Variants in COLEC10 observed in about 807,000 individuals in gnomAD.
COLEC10 encodes the protein collectin-10.
Under a neutral mutation model 28.4 loss-of-function variants are expected in COLEC10, and 22 were observed. The observed-to-expected ratio is 0.78, with a 90% CI of 0.55 to 1.11. The LOEUF (loss-of-function observed/expected upper bound fraction) is 1.11. COLEC10 is among the 50% of genes least tolerant of loss of function. The probability of loss-of-function intolerance (pLI) is 0.00; values close to 1 mark genes in which losing one functional copy is unlikely to be tolerated. For synonymous variants in COLEC10, 125 were observed against 116.1 expected (o/e 1.08, Z -0.49); for missense variants, 361 against 344.1 (o/e 1.05, Z -0.39).
intron 1 of COLEC10, among the ~76,000 whole-genome samples, chr8:119,086,806 T>G (rs1815489591): frequency 6.6e-6 from 1 of 152,204 alleles, no homozygotes; most frequent in African/African-American, 2.4e-5. Flanking sequence ...TCTTGCCTTT[T>G]CATGAGCAGG....
In COLEC10 at chr8:119,067,251, C is replaced by A; in HGVS notation, c.-31C>A. ...AAATAAAGCTGTTTATTTGGCATTT[C>A]TGGGAGACCCTTTTCTGAGGAACCA... On this transcript the variant is annotated 5_prime_UTR_variant, in exon 1 of 6. It adds an upstream start codon to the 5' untranslated region. Coordinates refer to ENST00000332843, the MANE Select transcript of COLEC10 (RefSeq NM_006438.5). The A allele has an allele frequency of 6.2e-7, 1 of 1,608,846 alleles. No individual in the cohort carries two copies. The highest frequency in any genetic ancestry group is 8.5e-7 in the Non-Finnish European group (1 of 1,177,556).
At position 119,107,450 on chromosome 8, in the gene COLEC10, C is replaced by T. The variant is rs888522296; in HGVS notation, c.*1259C>T. ...ATACTCTAGATTATCACCCTATAAA[C>T]TTCTACTCCAGTTATGGTTTCTGAC... is the stretch of plus-strand genomic sequence containing the variant. On this transcript the variant is annotated 3_prime_UTR_variant, in exon 6 of 6. Transcript: ENST00000332843. Among the ~76,000 whole-genome samples, 1 of 152,206 alleles carries T rather than the reference C, an allele frequency of 6.6e-6. No individual in the cohort carries two copies. The highest frequency in any genetic ancestry group is 1.5e-5 in the Non-Finnish European group (1 of 68,030).
At chr8:119,024,117 T>G (rs1412085120) in intron 2 of COLEC10, among the ~76,000 whole-genome samples, 1 of 152,104 alleles carries the variant, frequency 6.6e-6, no homozygotes, top group Non-Finnish European at 1.5e-5. Context: ...TGCCTTAAAT[T>G]TTGTGTTTCC....
chr8:119,089,331 G>T (rs1815542756), intron 1 of COLEC10, among the ~76,000 whole-genome samples: 1 of 151,894 alleles, frequency 6.6e-6, no homozygotes, highest in Non-Finnish European at 1.5e-5. Flanking sequence ...CTCTGTGTGT[G>T]TGTGTGTGCG....
intron 3 of COLEC10, among the ~76,000 whole-genome samples, chr8:119,096,118 C>G (rs1815711481): frequency 6.6e-6 from 1 of 152,140 alleles, no homozygotes; most frequent in Non-Finnish European, 1.5e-5. Flanking sequence ...GTTTATAGAT[C>G]TAAATTTGGT....
the COLEC10 span, among the ~76,000 whole-genome samples, chr8:118,961,730 G>A: frequency 4.9e-3 from 747 of 152,304 alleles, 1 homozygote; most frequent in Non-Finnish European, 8.1e-3. Context: ...TGGGTGGCTG[G>A]ATTGGAGACC....
chr8:119,044,370 T>G (rs552009546), intron 2 of COLEC10, among the ~76,000 whole-genome samples: 2 of 152,186 alleles, frequency 1.3e-5, no homozygotes, highest in African/African-American at 4.8e-5. Context: ...TACTTGAAAA[T>G]GAGTAAGACC....
chr8:119,019,820 T>G (rs932218954), intron 2 of COLEC10, among the ~76,000 whole-genome samples: 2 of 152,220 alleles, frequency 1.3e-5, no homozygotes, highest in African/African-American at 4.8e-5. Context: ...TAATAAATAT[T>G]GTTCACTTGA....
rs1410210153 is a variant in COLEC10 at position 119,009,846 on chromosome 8, TTTA to T, written n.235+294_235+296del. ...CGCAATTGAAAGCTCAGCTCTTTTT[TTTA>T]AAAAAAAATAGACTTTATGTTTTAG... is the stretch of plus-strand genomic sequence containing the variant. On this transcript the variant is annotated intron_variant and non_coding_transcript_variant, in intron 2 of 6. Transcript: ENST00000521788. 1.8e-4 allele frequency among the ~76,000 whole-genome samples: 17 copies of T among 92,596 alleles called. 2 individuals carry two copies. Among genetic ancestry groups the T allele is most frequent in the African/African-American group, 8.4e-4 (15 of 17,884 alleles). 60.7% of individuals were successfully genotyped at this position (92,596 alleles called of 152,430 possible).
At position 119,095,102 on chromosome 8, in the gene COLEC10, T is replaced by C. The variant is rs145669925; in HGVS notation, c.292+3882T>C. The stretch of plus-strand genomic sequence containing the variant: ...ATTGCATACCTAGTACAAAATAATC[T>C]ATAGATAATCTATTTGTATTGATAA... On this transcript the variant is annotated intron_variant, in intron 3 of 5. Transcript: ENST00000332843. 3.3e-3 allele frequency among the ~76,000 whole-genome samples: 501 copies of C among 152,338 alleles called. 14 individuals are homozygous for C. The East Asian group carries it at 0.074, about 23-fold the overall frequency.
At chr8:119,027,355 A>G (rs1050691173) in intron 2 of COLEC10, among the ~76,000 whole-genome samples, 1 of 152,176 alleles carries the variant, frequency 6.6e-6, no homozygotes, top group Non-Finnish European at 1.5e-5. Context: ...TTTCATATTC[A>G]TGACCCCTCT....
chr8:118,955,247 T>C, the COLEC10 span, among the ~76,000 whole-genome samples: 1 of 152,236 alleles, frequency 6.6e-6, no homozygotes, highest in Non-Finnish European at 1.5e-5. Context: ...AGACACAAAC[T>C]ATTTGCCTTT....
intron 2 of COLEC10, among the ~76,000 whole-genome samples, chr8:119,034,556 C>G (rs921803759): frequency 1.3e-5 from 2 of 151,920 alleles, no homozygotes; most frequent in Non-Finnish European, 2.9e-5. Flanking sequence ...ACTAAAAATA[C>G]AAAAATTAGC....
the COLEC10 span, among the ~76,000 whole-genome samples, chr8:118,977,954 T>A: frequency 6.6e-6 from 1 of 151,956 alleles, no homozygotes; most frequent in African/African-American, 2.4e-5. Context: ...GTTGCACAAA[T>A]CCTTCCAGGG....
At chr8:119,055,078 G>T (rs1814739260) in intron 2 of COLEC10, among the ~76,000 whole-genome samples, 1 of 151,992 alleles carries the variant, frequency 6.6e-6, no homozygotes, top group East Asian at 1.9e-4. Context: ...CTTTTCAGTA[G>T]AGTTGAAATA....
In COLEC10 at chr8:119,001,689, A is replaced by T. The variant is rs572852144; in HGVS notation, n.122+6116A>T. Reference sequence around the variant, plus strand: ...TGGTTCTCGATTCCACTTTTACCAGACACCAGCCAAAACAGTAAAACAAAC... The same window carrying T: ...TGGTTCTCGATTCCACTTTTACCAGTCACCAGCCAAAACAGTAAAACAAAC... On this transcript the variant is annotated intron_variant and non_coding_transcript_variant, in intron 1 of 6. Transcript: ENST00000521788. 2.1e-5 allele frequency among the ~76,000 whole-genome samples: 3 copies of T among 142,164 alleles called. No homozygotes were observed. The South Asian group carries it at 7.1e-4, about 34-fold the overall frequency. The allele number at this position is 142,164 out of a possible 152,430, so 93.3% of individuals were successfully genotyped here.
intron 1 of COLEC10, among the ~76,000 whole-genome samples, chr8:119,088,286 A>G (rs1815522950): frequency 6.6e-6 from 1 of 152,132 alleles, no homozygotes; most frequent in South Asian, 2.1e-4. Context: ...TAGTTCACTC[A>G]ATTCTTACCT....
At chr8:119,099,124 T>C (rs1056599829) in intron 3 of COLEC10, among the ~76,000 whole-genome samples, 1 of 152,094 alleles carries the variant, frequency 6.6e-6, no homozygotes, top group Non-Finnish European at 1.5e-5. Context: ...CTGAAAGCAT[T>C]ATGATTTTTT....
intron 5 of COLEC10, 45 bp downstream of exon 5, chr8:119,103,940 C>T (rs371889769): frequency 1.4e-5 from 17 of 1,189,524 alleles, no homozygotes; most frequent in Non-Finnish European, 2.0e-5. Flanking sequence ...GATAGATCTC[C>T]ATCAACACTA....
Sources: allele counts gnomAD v4.1 joint callset (sites outside exome capture counted in the v4.1 genomes callset), GRCh38; gene constraint gnomAD v4.1.1; transcripts MANE v1.5; gene names NCBI Gene and HGNC (gene_info 2026-07-23, HGNC 2026-07-21).